LRMDA: variants seen among roughly 807,000 people sequenced by gnomAD.
LRMDA encodes leucine-rich melanocyte differentiation-associated protein.
Under a neutral mutation model 29.8 loss-of-function variants are expected in LRMDA, and 18 were observed. The ratio of observed to expected loss-of-function variants is 0.60; its 90% confidence interval spans 0.42 to 0.90. The LOEUF (loss-of-function observed/expected upper bound fraction) is 0.90, where lower values mean the gene tolerates loss of function less well. LRMDA is among the 40% of genes least tolerant of loss of function. LRMDA has a pLI of 0.00. For synonymous variants in LRMDA, 125 were observed against 109.4 expected, an observed-to-expected ratio of 1.14 and a Z score of -0.89; for missense variants, 273 against 273.9, an observed-to-expected ratio of 1.00 and a Z score of 0.02.
chr10:76,347,480 AT>A (rs1841122840), intron 6 of LRMDA, among the ~76,000 whole-genome samples: 1 of 152,192 alleles, frequency 6.6e-6, no homozygotes, highest in African/African-American at 2.4e-5. Context: ...CACCTGAGAG[AT>A]ACCTCCGTGT....
At chr10:75,818,811 T>A (rs1048897615) in intron 2 of LRMDA, among the ~76,000 whole-genome samples, 1 of 152,160 alleles carries the variant, frequency 6.6e-6, no homozygotes, top group Non-Finnish European at 1.5e-5. Context: ...GCACTAGTGA[T>A]GTCATGGCAA....
At chr10:76,070,643 G>A (rs1488586151) in intron 5 of LRMDA, among the ~76,000 whole-genome samples, 2 of 152,196 alleles carry the variant, frequency 1.3e-5, no homozygotes, top group African/African-American at 4.8e-5. Flanking sequence ...CACAGCAGGG[G>A]GCATTGCCCC....
chr10:76,489,481 T>G (rs527779847), intron 6 of LRMDA, among the ~76,000 whole-genome samples: 1 of 152,092 alleles, frequency 6.6e-6, no homozygotes, highest in African/African-American at 2.4e-5. Context: ...TTCATTGATC[T>G]TTTGTATTGT....
chr10:76,437,180 T>C (rs1461103458), intron 6 of LRMDA, among the ~76,000 whole-genome samples: 4 of 152,176 alleles, frequency 2.6e-5, no homozygotes, highest in African/African-American at 9.7e-5. Context: ...GTTTAAAAAG[T>C]TGGACACAGC....
At chr10:76,285,042 T>C (rs775886058) in intron 5 of LRMDA, among the ~76,000 whole-genome samples, 1 of 152,202 alleles carries the variant, frequency 6.6e-6, no homozygotes, top group Non-Finnish European at 1.5e-5. Flanking sequence ...TTGATTTCCA[T>C]GTTTCCCCAT....
At chr10:76,213,237 G>A (rs146550433) in intron 5 of LRMDA, among the ~76,000 whole-genome samples, 17 of 152,328 alleles carry the variant, frequency 1.1e-4, no homozygotes, top group African/African-American at 3.4e-4. Flanking sequence ...GTTACTGGAG[G>A]CACATCTCTC....
chr10:76,435,205 CTT>C (rs1334449337), intron 6 of LRMDA, among the ~76,000 whole-genome samples: 7 of 152,198 alleles, frequency 4.6e-5, no homozygotes, highest in Non-Finnish European at 8.8e-5. Context: ...AAGCACATCT[CTT>C]TGTGAATGAG....
At chr10:75,463,393 C>T (rs1844611467) in intron 2 of LRMDA, among the ~76,000 whole-genome samples, 1 of 152,116 alleles carries the variant, frequency 6.6e-6, no homozygotes, top group Admixed American at 6.5e-5. Flanking sequence ...TCAGTCCATT[C>T]CTCCCACAGA....
chr10:76,423,946 T>C (rs1842096795), intron 6 of LRMDA, among the ~76,000 whole-genome samples: 1 of 152,094 alleles, frequency 6.6e-6, no homozygotes, highest in Admixed American at 6.5e-5. Context: ...CGAGGGAAAA[T>C]ATCACAGAGT....
At chr10:76,534,082 A>G (rs147293445) in intron 6 of LRMDA, among the ~76,000 whole-genome samples, 59 of 152,332 alleles carry the variant, frequency 3.9e-4, no homozygotes, top group African/African-American at 1.3e-3. Context: ...AGGCACTAAT[A>G]TAGTATTATG....
intron 2 of LRMDA, among the ~76,000 whole-genome samples, chr10:75,708,641 A>T (rs904804128): frequency 6.6e-6 from 1 of 152,196 alleles, no homozygotes; most frequent in African/African-American, 2.4e-5. Context: ...CACAGGAGAT[A>T]GGAGATCATT....
chr10:75,958,717 A>G (rs767427963), intron 2 of LRMDA, among the ~76,000 whole-genome samples: 1 of 152,224 alleles, frequency 6.6e-6, no homozygotes, highest in African/African-American at 2.4e-5. Context: ...GTAAGTTTGG[A>G]GAGTGTATTA....
chr10:75,944,367 A>G (rs1846443241), intron 2 of LRMDA, among the ~76,000 whole-genome samples: 1 of 152,074 alleles, frequency 6.6e-6, no homozygotes, highest in African/African-American at 2.4e-5. Flanking sequence ...AGAGGTTAAT[A>G]TTCATAGGTA....
chr10:75,882,682 C>T (rs1564595830), intron 2 of LRMDA: 1 of 152,266 alleles, frequency 6.6e-6, no homozygotes, highest in Non-Finnish European at 1.5e-5. Context: ...AACAGAGGGC[C>T]TGGGGAGGAG....
intron 2 of LRMDA, among the ~76,000 whole-genome samples, chr10:75,989,636 A>G (rs1847324496): frequency 6.6e-6 from 1 of 152,210 alleles, no homozygotes; most frequent in African/African-American, 2.4e-5. Context: ...GTCATGGGTT[A>G]CAGAGTGCCT....
intron 6 of LRMDA, among the ~76,000 whole-genome samples, chr10:76,353,364 G>C (rs1841201915): frequency 6.6e-6 from 1 of 151,828 alleles, no homozygotes; most frequent in South Asian, 2.1e-4. Context: ...GTGTGTGTGA[G>C]ATAGATTGAG....
chr10:76,285,817 A>C (rs1840264290), intron 5 of LRMDA, among the ~76,000 whole-genome samples: 1 of 152,188 alleles, frequency 6.6e-6, no homozygotes, highest in African/African-American at 2.4e-5. Context: ...CCTCCCAATA[A>C]AAGTTAATTG....
At chr10:75,623,890 C>T (rs550371239) in intron 2 of LRMDA, among the ~76,000 whole-genome samples, 12 of 152,252 alleles carry the variant, frequency 7.9e-5, no homozygotes, top group Non-Finnish European at 1.6e-4. Context: ...CGCTGGCAGC[C>T]GAACTAATTT....
intron 2 of LRMDA, among the ~76,000 whole-genome samples, chr10:75,445,928 A>G (rs922414535): frequency 3.9e-5 from 6 of 152,240 alleles, no homozygotes; most frequent in African/African-American, 1.4e-4. Context: ...GCTTAGCAGA[A>G]AGTTTCTTAG....
Sources: gnomAD v4.1 joint callset for allele counts (sites outside exome capture counted in the v4.1 genomes callset) on GRCh38, gnomAD v4.1.1 for gene constraint, MANE v1.5 for transcripts, NCBI Gene and HGNC (gene_info 2026-07-23, HGNC 2026-07-21) for gene names.